ANKRD50: variants seen among roughly 807,000 people sequenced by gnomAD.
ANKRD50 encodes the protein ankyrin repeat domain 50.
Under a neutral mutation model 112.0 loss-of-function variants are expected in ANKRD50, and 40 were observed. That is an observed-to-expected ratio of 0.36 (90% CI 0.28 to 0.46). ANKRD50 has a LOEUF of 0.46. Ranked by LOEUF, ANKRD50 falls within the 20% of genes least tolerant of loss-of-function variation. The pLI, the probability that ANKRD50 is intolerant of heterozygous loss-of-function variation, is 1.00. For missense variants in ANKRD50, 1,487 were observed against 1,701.7 expected (o/e 0.87, Z 2.22); for synonymous variants, 613 against 619.1 (o/e 0.99, Z 0.15).
intron 2 of ANKRD50, among the ~76,000 whole-genome samples, chr4:124,689,700 C>T (rs567693823): frequency 6.6e-6 from 1 of 152,174 alleles, no homozygotes; most frequent in Admixed American, 6.5e-5. Flanking sequence ...GATTCTCAGG[C>T]CTCTGGGCTC....
rs759141261 is a variant in ANKRD50, at chr4:124,671,627, A to G, written c.1650T>C (p.Ala550=). 12 of 1,613,834 alleles carry G rather than the reference A, an allele frequency of 7.4e-6. No homozygotes were observed. The East Asian group carries it at 2.5e-4, about 33-fold the overall frequency. Reference sequence around the variant, plus strand: ...CAAGACTGCCACTATATGCAGCATTAGCCAATAATGTTCTCCCATTTGAAT... The same window carrying G: ...CAAGACTGCCACTATATGCAGCATTGGCCAATAATGTTCTCCCATTTGAAT... The part of the protein sequence containing the change: ...QCDSNGRTLL[A]NAAYSGSLDV... Residue 550 remains alanine (A), a synonymous_variant, in exon 4 of 5, where the codon GCT becomes GCC. Transcript: ENST00000504087.
chr4:124,684,015 T>C lies in ANKRD50; in HGVS notation c.513-5110A>G, dbSNP rs543083525. Among the ~76,000 whole-genome samples the C allele has an allele frequency of 5.9e-5, 9 of 152,170 alleles. No individual in the cohort carries two copies. In the South Asian group the frequency reaches 1.9e-3, roughly 32 times the overall value. ...ATTTTTGCTATGTTCCATCTCATTC[T>C]GTTGTTTCACCAACTCTTTTCCAAG... On this transcript the variant is annotated intron_variant, in intron 2 of 4. Transcript: ENST00000504087.
At chr4:124,672,567 G>A in intron 3 of ANKRD50, 33 bp from the exon 4 acceptor site, 2 of 1,449,462 alleles carry the variant, frequency 1.4e-6, no homozygotes, top group Non-Finnish European at 1.9e-6. Context: ...GATGTAATCA[G>A]TTGAAAAGGA....
intron 3 of ANKRD50, among the ~76,000 whole-genome samples, chr4:124,677,642 C>T (rs959960165): frequency 1.3e-5 from 2 of 151,482 alleles, no homozygotes; most frequent in Non-Finnish European, 3.0e-5. Flanking sequence ...TATTATAATC[C>T]CCATTTCATA....
In ANKRD50 at chr4:124,671,006, A is replaced by G. The variant is rs934255873; in HGVS notation, c.2271T>C (p.Tyr757=). 6.2e-7 allele frequency: 1 copy of G among 1,613,856 alleles called. No homozygotes were observed. Among genetic ancestry groups the G allele is most frequent in the Non-Finnish European group, 8.5e-7 (1 of 1,179,872 alleles). Residue 757 remains tyrosine, a synonymous_variant, in exon 4 of 5, where the codon TAT becomes TAC. Coordinates refer to ENST00000504087, the MANE Select transcript of ANKRD50 (RefSeq NM_020337.3). ...DGMTPLLVAA[Y]EGHVDVVDLL... ...AGTCAACCACATCAACATGTCCTTC[A>G]TAGGCAGCTACCAGCAGTGGAGTCA...
At chr4:124,677,609 C>T (rs1216699008) in intron 3 of ANKRD50, among the ~76,000 whole-genome samples, 1 of 151,780 alleles carries the variant, frequency 6.6e-6, no homozygotes, top group African/African-American at 2.4e-5. Flanking sequence ...TTTAACCTTA[C>T]AAAAATCCTA....
chr4:124,693,574 ATAC>A (rs1725183816), intron 2 of ANKRD50, among the ~76,000 whole-genome samples: 2 of 152,144 alleles, frequency 1.3e-5, no homozygotes, highest in Admixed American at 1.3e-4. Flanking sequence ...GTTACCCCTT[ATAC>A]TACGCTAAAT....
At chr4:124,694,314 T>A (rs1322111336) in intron 2 of ANKRD50, among the ~76,000 whole-genome samples, 12 of 152,016 alleles carry the variant, frequency 7.9e-5, no homozygotes, top group Non-Finnish European at 1.3e-4. Context: ...TTATGAACTG[T>A]CTCCCCTTTG....
chr4:124,682,232 C>T (rs973497529), intron 2 of ANKRD50, among the ~76,000 whole-genome samples: 3 of 145,256 alleles, frequency 2.1e-5, no homozygotes, highest in African/African-American at 7.7e-5. Flanking sequence ...AGGAGAATGG[C>T]GTGAACCCGG....
chr4:124,709,163 T>C (rs751643294), intron 2 of ANKRD50, among the ~76,000 whole-genome samples: 2 of 151,800 alleles, frequency 1.3e-5, no homozygotes, highest in South Asian at 2.1e-4. Context: ...AAAAAGCTTA[T>C]GGCAAAATGG....
At chr4:124,706,772 C>T (rs1486331898) in intron 2 of ANKRD50, among the ~76,000 whole-genome samples, 6 of 152,024 alleles carry the variant, frequency 3.9e-5, no homozygotes, top group Non-Finnish European at 8.8e-5. Context: ...CTCAACCTAC[C>T]AAACATCATC....
At chr4:124,703,405 A>G (rs142019678) in intron 2 of ANKRD50, among the ~76,000 whole-genome samples, 6 of 152,318 alleles carry the variant, frequency 3.9e-5, no homozygotes, top group Non-Finnish European at 7.4e-5. Flanking sequence ...AACTCTAGAC[A>G]GTATGAGAGC....
rs765790203 is a variant in ANKRD50, at chr4:124,672,176, C to T, written c.1101G>A (p.Thr367=). ...TGGTCCATACTGCGTGATATAATTC[C>T]GTTATGGTCAAAGGTCGGCAGGCTG... ...ILAACRPLTI[T]ELYHAVWTKN... The change falls in exon 4 of 5, where the codon ACG becomes ACA. Residue 367 remains threonine, a synonymous_variant. Coordinates refer to ENST00000504087, the MANE Select transcript of ANKRD50 (RefSeq NM_020337.3). 33 of 1,613,704 alleles carry T rather than the reference C, an allele frequency of 2.0e-5. No individual in the cohort carries two copies. The South Asian group carries it at 3.2e-4, about 16-fold the overall frequency.
intron 2 of ANKRD50, among the ~76,000 whole-genome samples, chr4:124,707,124 A>T (rs1725523096): frequency 6.6e-6 from 1 of 152,084 alleles, no homozygotes; most frequent in Non-Finnish European, 1.5e-5. Context: ...TTTTTGTCAA[A>T]AGCGAAAAAT....
chr4:124,670,003 G>A lies in ANKRD50; in HGVS notation c.3274C>T (p.Gln1092Ter), dbSNP rs1441545314. The A allele has an allele frequency of 6.2e-7, 1 of 1,610,104 alleles. No homozygotes were observed. ...MRVAAKNGHS[Q>*]IIKLLEKYGA... ...TATTTTTCTAATAATTTAATTATCT[G>A]AGAATGTCCATTTTTGGCTGCAACA... Residue 1092 changes from glutamine (Q) to a stop codon, truncating the protein, a stop_gained, in exon 4 of 5, where the codon CAG becomes TAG. Coordinates refer to ENST00000504087, the MANE Select transcript of ANKRD50 (RefSeq NM_020337.3). LOFTEE classifies it high-confidence loss of function.
rs571755938 is a variant in ANKRD50, at chr4:124,712,152, C to T, written c.-764+306G>A. On this transcript the variant is annotated intron_variant, in intron 1 of 4. Transcript: ENST00000504087. The stretch of plus-strand genomic sequence containing the variant: ...GGTCTGCCCTTCCAGAGGCTGGGAG[C>T]GCCTCTGCACCCCGCCCCGCACCGA... Among the ~76,000 whole-genome samples, 14 of 152,136 alleles carry T rather than the reference C, an allele frequency of 9.2e-5. No homozygotes were observed. The East Asian group carries it at 2.5e-3, about 28-fold the overall frequency.
intron 2 of ANKRD50, among the ~76,000 whole-genome samples, chr4:124,690,526 T>C (rs1725112316): frequency 6.6e-6 from 1 of 152,072 alleles, no homozygotes; most frequent in African/African-American, 2.4e-5. Flanking sequence ...CTAGAAAAAA[T>C]AGATATTGGT....
intron 1 of ANKRD50, among the ~76,000 whole-genome samples, 185 bp from the exon 2 acceptor site, chr4:124,711,459 C>G (rs970154617): frequency 4.6e-5 from 7 of 152,178 alleles, no homozygotes; most frequent in African/African-American, 1.7e-4. Flanking sequence ...CTGCATTTTT[C>G]TTCCTCATTG....
Position 124,667,340 on chromosome 4 carries a change from AC to A in ANKRD50, c.*177del, listed in dbSNP as rs1730518441. The A allele has an allele frequency of 6.6e-6, 1 of 152,062 alleles. No individual in the cohort carries two copies. Among genetic ancestry groups the A allele is most frequent in the South Asian group, 2.1e-4 (1 of 4,832 alleles). The allele number at this position is 152,062 out of a possible 1,614,324, so 9.4% of individuals were successfully genotyped here. ...TGAAATTTTTTAAGCACAGAGGGTT[AC>A]ATTGAGAAGGCAGCCTTACTATTTA... is the stretch of plus-strand genomic sequence containing the variant. On this transcript the variant is annotated 3_prime_UTR_variant, in exon 5 of 5. Coordinates refer to ENST00000504087, the MANE Select transcript of ANKRD50 (RefSeq NM_020337.3).
Sources: allele counts gnomAD v4.1 joint callset (sites outside exome capture counted in the v4.1 genomes callset), GRCh38; gene constraint gnomAD v4.1.1; transcripts MANE v1.5; gene names NCBI Gene and HGNC (gene_info 2026-07-23, HGNC 2026-07-21).